ABCG1: variants seen among roughly 807,000 people sequenced by gnomAD.
ABCG1 encodes the protein ATP binding cassette subfamily G member 1.
A neutral mutation model predicts 69.2 loss-of-function variants in ABCG1; 29 were observed. That is an observed-to-expected ratio of 0.42 (90% CI 0.31 to 0.57). The LOEUF (loss-of-function observed/expected upper bound fraction) is 0.57. ABCG1 is among the 20% of genes least tolerant of loss of function. ABCG1 has a pLI of 0.15. For missense variants in ABCG1, 718 were observed against 898.1 expected, an observed-to-expected ratio of 0.80 and a Z score of 2.56; for synonymous variants, 370 against 374.8, an observed-to-expected ratio of 0.99 and a Z score of 0.15.
intron 10 of ABCG1, among the ~76,000 whole-genome samples, 181 bp from the exon 11 acceptor site, chr21:42,289,869 T>C (rs762487381): frequency 3.3e-5 from 5 of 152,198 alleles, no homozygotes; most frequent in Non-Finnish European, 7.3e-5. Flanking sequence ...TGTGAGTGTG[T>C]GTGTGTATGT....
intron 13 of ABCG1, among the ~76,000 whole-genome samples, chr21:42,292,523 C>T (rs1466869454): frequency 1.3e-5 from 2 of 152,028 alleles, no homozygotes; most frequent in African/African-American, 4.8e-5. Flanking sequence ...GGTCACTAAT[C>T]AGACCAGGGC....
intron 3 of ABCG1, among the ~76,000 whole-genome samples, chr21:42,271,478 G>T (rs2068616661): frequency 6.6e-6 from 1 of 152,226 alleles, no homozygotes; most frequent in African/African-American, 2.4e-5. Flanking sequence ...AGGGAGAGGG[G>T]TGGCCAGAGA....
intron 2 of ABCG1, among the ~76,000 whole-genome samples, chr21:42,226,376 A>T (rs1397872369): frequency 6.6e-6 from 1 of 152,230 alleles, no homozygotes; most frequent in African/African-American, 2.4e-5. Context: ...CCATCTTGAA[A>T]GGATTCTTTT....
In ABCG1 at chr21:42,284,545, C is replaced by G. The variant is rs765172253; in HGVS notation, c.735-15C>G. ...TGCCGCCCGCAGGCGTCTCACGGTG[C>G]CTCTTGACTTGCAGCGGCCTGGACA... On this transcript the variant is annotated splice_polypyrimidine_tract_variant and intron_variant, in intron 6 of 14. Transcript: ENST00000398449. 33 of 1,611,836 alleles carry G rather than the reference C, an allele frequency of 2.0e-5. No individual in the cohort carries two copies. Among genetic ancestry groups the G allele is most frequent in the Non-Finnish European group, 2.8e-5 (33 of 1,179,844 alleles).
At chr21:42,227,200 G>A (rs1569208696) in intron 2 of ABCG1, among the ~76,000 whole-genome samples, 1 of 152,184 alleles carries the variant, frequency 6.6e-6, no homozygotes, top group Non-Finnish European at 1.5e-5. Context: ...ATAGCACTGT[G>A]ATGTGATACT....
rs3787971 is a variant in ABCG1 at position 42,231,486 on chromosome 21, T to C, written c.286+5572T>C. 1.6e-4 allele frequency among the ~76,000 whole-genome samples: 24 copies of C among 152,376 alleles called. No homozygotes were observed. The East Asian group carries it at 4.2e-3, about 27-fold the overall frequency. ...TCTGTATTGGTTTGCTTCTACGCTA[T>C]AAAAATGCATTTGGACACCTTTCTC... On this transcript the variant is annotated intron_variant, in intron 2 of 14. Coordinates refer to ENST00000398449, the MANE Select transcript of ABCG1 (RefSeq NM_016818.3).
intron 1 of ABCG1, among the ~76,000 whole-genome samples, chr21:42,225,010 G>T (rs2067792554): frequency 6.6e-6 from 1 of 151,812 alleles, no homozygotes; most frequent in African/African-American, 2.4e-5. Context: ...GTGAGACCTG[G>T]AACACGGTCC....
In ABCG1 at chr21:42,269,408, C is replaced by A. The variant is rs3787994; in HGVS notation, c.287-1662C>A. On this transcript the variant is annotated intron_variant, in intron 2 of 14. Coordinates refer to ENST00000398449, the MANE Select transcript of ABCG1 (RefSeq NM_016818.3). ...CAGCAGAAGGGCTATTCTTGGGGTT[C>A]CCGGTCCTCCTCCAGCCCCGCTAAT... Among the ~76,000 whole-genome samples, 642 of 152,292 alleles carry A rather than the reference C, an allele frequency of 4.2e-3. 16 individuals carry two copies. The East Asian group carries it at 0.059, about 14-fold the overall frequency.
chr21:42,235,614 A>G (rs557268929), intron 2 of ABCG1, among the ~76,000 whole-genome samples: 199 of 152,316 alleles, frequency 1.3e-3, no homozygotes, highest in Middle Eastern at 6.8e-3. Context: ...TCCAGGTTAT[A>G]GGTAAATTTA....
intron 1 of ABCG1, among the ~76,000 whole-genome samples, chr21:42,225,231 G>A (rs558763079): frequency 3.9e-5 from 6 of 152,264 alleles, no homozygotes; most frequent in African/African-American, 9.6e-5. Flanking sequence ...ATGAGATTAC[G>A]CGAGAAAGGC....
At chr21:42,261,206 A>AC (rs1268241450) in intron 2 of ABCG1, among the ~76,000 whole-genome samples, 1 of 129,984 alleles carries the variant, frequency 7.7e-6, no homozygotes, top group African/African-American at 3.0e-5. Flanking sequence ...CCTCTCCACC[A>AC]CCCCCCCTCT....
Position 42,291,994 on chromosome 21 carries a change from T to A in ABCG1, c.1653+338T>A, listed in dbSNP as rs2069071672. 6.6e-6 allele frequency among the ~76,000 whole-genome samples: 1 copy of A among 152,072 alleles called. No homozygotes were observed. The highest frequency in any genetic ancestry group is 2.4e-5 in the African/African-American group (1 of 41,400). On this transcript the variant is annotated intron_variant, in intron 13 of 14. Transcript: ENST00000398449. The surrounding 1 kb of genome is among the most constrained non-coding windows in gnomAD (Gnocchi z 6.4). ...AGCACTGAGGCCCAGAGAGGCAAAG[T>A]GATTTGTCAGGGGGTCACACAGCTG...
chr21:42,295,862 C>T (rs1350290624), intron 14 of ABCG1, among the ~76,000 whole-genome samples: 2 of 152,192 alleles, frequency 1.3e-5, no homozygotes, highest in Non-Finnish European at 2.9e-5. Context: ...CATGTAACCT[C>T]GGAAGTGAAC....
intron 2 of ABCG1, among the ~76,000 whole-genome samples, chr21:42,263,051 A>G (rs1183245368): frequency 1.3e-5 from 2 of 152,158 alleles, no homozygotes; most frequent in African/African-American, 2.4e-5. Context: ...GACTCTTCCT[A>G]GGTGTTGACA....
At chr21:42,216,101 C>T, upstream of ABCG1, 1 of 449,292 alleles carries the variant, frequency 2.2e-6, no homozygotes, top group Non-Finnish European at 4.4e-6. Flanking sequence ...AGTTTCCCTG[C>T]ACAAGCTCTC....
At position 42,285,999 on chromosome 21, in the gene ABCG1, G is replaced by A. The variant is rs2068933108; in HGVS notation, c.973+5G>A. 1 of 1,600,366 alleles carries A rather than the reference G, an allele frequency of 6.2e-7. No homozygotes were observed. Among genetic ancestry groups the A allele is most frequent in the South Asian group, 1.1e-5 (1 of 90,790 alleles). On this transcript the variant is annotated splice_donor_5th_base_variant and intron_variant, in intron 8 of 14. Transcript: ENST00000398449. The stretch of plus-strand genomic sequence containing the variant: ...ACCACAACCCAGCAGATTTTGGTAA[G>A]CGGAGTCCTGAGCAGCTCGGGGGAC...
intron 2 of ABCG1, among the ~76,000 whole-genome samples, chr21:42,244,537 T>A (rs9982196): frequency 0.1 from 15,704 of 152,284 alleles, 1,489 homozygotes; most frequent in African/African-American, 0.25. Context: ...ATTTACAGTC[T>A]TGTCTTACTT....
intron 1 of ABCG1, among the ~76,000 whole-genome samples, chr21:42,224,642 C>G (rs1265272439): frequency 6.6e-6 from 1 of 152,142 alleles, no homozygotes; most frequent in East Asian, 1.9e-4. Flanking sequence ...TAGAAGATGC[C>G]TGGAAGGGGT....
intron 2 of ABCG1, among the ~76,000 whole-genome samples, chr21:42,230,560 T>C (rs2067885970): frequency 6.6e-6 from 1 of 152,196 alleles, no homozygotes; most frequent in Non-Finnish European, 1.5e-5. Flanking sequence ...GTTGAGAACA[T>C]TTAGGAATGT....
Sources: gnomAD v4.1 joint callset for allele counts (sites outside exome capture counted in the v4.1 genomes callset) on GRCh38, gnomAD v4.1.1 for gene constraint, Gnocchi (gnomAD v3.1) non-coding constraint, MANE v1.5 for transcripts, NCBI Gene and HGNC (gene_info 2026-07-23, HGNC 2026-07-21) for gene names.